The following FHIT variants were observed in gnomAD, a reference collection of about 807,000 sequenced individuals.
FHIT encodes the protein bis(5'-adenosyl)-triphosphatase.
FHIT carries 19 observed loss-of-function variants against 17.9 expected under a neutral mutation model. The observed-to-expected ratio is 1.06, with a 90% CI of 0.74 to 1.56. The LOEUF (loss-of-function observed/expected upper bound fraction) is 1.56, where lower values mean the gene tolerates loss of function less well. Among genes scored for constraint, FHIT ranks in the 40% most tolerant of loss-of-function variants. The probability of loss-of-function intolerance (pLI) is 0.00; values close to 1 mark genes in which losing one functional copy is unlikely to be tolerated. For synonymous variants in FHIT, 81 were observed against 69.7 expected (o/e 1.16, Z -0.81); for missense variants, 248 against 189.2 (o/e 1.31, Z -1.82).
intron 7 of FHIT, among the ~76,000 whole-genome samples, chr3:59,979,308 A>G (rs1708547912): frequency 1.3e-5 from 2 of 152,236 alleles, no homozygotes; most frequent in Non-Finnish European, 1.5e-5. Flanking sequence ...ATTTATACCT[A>G]ACTCCTCAAA....
chr3:59,749,612 T>A (rs1193240510), intron 9 of FHIT, 33 bp from the exon 10 acceptor site: 1 of 231,188 alleles, frequency 4.3e-6, no homozygotes, highest in Non-Finnish European at 8.6e-6. Flanking sequence ...AAAGGCCTTA[T>A]GATTCTAACA....
intron 4 of FHIT, among the ~76,000 whole-genome samples, chr3:60,637,911 T>A (rs1577011308): frequency 6.6e-6 from 1 of 152,170 alleles, no homozygotes; most frequent in Non-Finnish European, 1.5e-5. Context: ...ATAGACATGA[T>A]GAATTGGCAA....
At chr3:60,861,871 AC>A (rs1481359164) in intron 3 of FHIT, among the ~76,000 whole-genome samples, 1 of 149,372 alleles carries the variant, frequency 6.7e-6, no homozygotes, top group Non-Finnish European at 1.5e-5. Flanking sequence ...AATGGCGTGA[AC>A]CCGTGAGGTG....
At chr3:60,163,265 T>C (rs145584775) in intron 5 of FHIT, among the ~76,000 whole-genome samples, 92 of 151,990 alleles carry the variant, frequency 6.1e-4, no homozygotes, top group Middle Eastern at 6.8e-3. Context: ...CCAAAATGAG[T>C]GCTCTTTTCT....
intron 5 of FHIT, among the ~76,000 whole-genome samples, chr3:60,211,744 T>G (rs1703461842): frequency 6.6e-6 from 1 of 152,106 alleles, no homozygotes; most frequent in African/African-American, 2.4e-5. Context: ...AGAGTATGGT[T>G]GAAATGAAAT....
chr3:60,511,380 T>C (rs184651065), intron 5 of FHIT, among the ~76,000 whole-genome samples: 4 of 152,210 alleles, frequency 2.6e-5, no homozygotes, highest in Non-Finnish European at 5.9e-5. Context: ...CATCGCTTTA[T>C]GTGTTTTAAG....
chr3:60,571,186 A>G (rs2037366262), intron 4 of FHIT, among the ~76,000 whole-genome samples: 1 of 151,680 alleles, frequency 6.6e-6, no homozygotes. Flanking sequence ...AAATACAAAA[A>G]TTAGCCAGGC....
In FHIT at chr3:60,153,865, T is replaced by C. The variant is rs117328038; in HGVS notation, c.104-139713A>G. ...CATTCAACAGCTATTCACTACACATTCACATTGTGCTAGGTGCTGGGCATA... is the reference window on the plus strand; with the variant it reads ...CATTCAACAGCTATTCACTACACATCCACATTGTGCTAGGTGCTGGGCATA... On this transcript the variant is annotated intron_variant, in intron 5 of 9. Coordinates refer to ENST00000492590, the MANE Select transcript of FHIT (RefSeq NM_002012.4). Among the ~76,000 whole-genome samples the C allele has an allele frequency of 3.3e-5, 5 of 152,254 alleles. No individual in the cohort carries two copies. The East Asian group carries it at 9.7e-4, about 29-fold the overall frequency.
chr3:61,084,762 T>C (rs549873244), intron 2 of FHIT, among the ~76,000 whole-genome samples: 2 of 152,290 alleles, frequency 1.3e-5, no homozygotes, highest in South Asian at 2.1e-4. Flanking sequence ...CCATCACCTC[T>C]ACATAGTTTT....
At chr3:60,126,348 G>A (rs1375640436) in intron 5 of FHIT, among the ~76,000 whole-genome samples, 3 of 152,072 alleles carry the variant, frequency 2.0e-5, no homozygotes, top group African/African-American at 7.2e-5. Context: ...GAAGTTCTCT[G>A]GAGCGCAGCC....
intron 5 of FHIT, among the ~76,000 whole-genome samples, chr3:60,314,205 T>C (rs955003072): frequency 1.3e-4 from 20 of 152,156 alleles, no homozygotes; most frequent in Admixed American, 1.0e-3. Flanking sequence ...AAGAGGCCTG[T>C]TGGGCAACAT....
At chr3:60,833,464 C>A (rs1702406395) in intron 3 of FHIT, among the ~76,000 whole-genome samples, 1 of 152,190 alleles carries the variant, frequency 6.6e-6, no homozygotes, top group Non-Finnish European at 1.5e-5. Context: ...TTTACCGTTT[C>A]TCTCCCCTTT....
intron 5 of FHIT, among the ~76,000 whole-genome samples, chr3:60,389,193 G>T (rs2107145201): frequency 6.6e-6 from 1 of 152,188 alleles, no homozygotes; most frequent in East Asian, 1.9e-4. Context: ...GTATTCTCAG[G>T]CTTTATCCCA....
At chr3:59,975,614 A>C (rs7626003) in intron 7 of FHIT, among the ~76,000 whole-genome samples, 74,109 of 151,784 alleles carry the variant, frequency 0.49, 19,441 homozygotes, top group Middle Eastern at 0.62. Context: ...AATGTTACAA[A>C]TGGTTAAAAA....
At chr3:60,750,311 T>C (rs530798848) in intron 4 of FHIT, among the ~76,000 whole-genome samples, 3 of 152,104 alleles carry the variant, frequency 2.0e-5, no homozygotes, top group African/African-American at 7.2e-5. Flanking sequence ...TGCTTTGACA[T>C]ATGGAGAAAT....
chr3:60,463,559 A>G (rs566331126), intron 5 of FHIT, among the ~76,000 whole-genome samples: 14 of 152,216 alleles, frequency 9.2e-5, no homozygotes, highest in Non-Finnish European at 2.1e-4. Context: ...TTCTCAGAAC[A>G]GAGAAATAAA....
chr3:59,984,488 A>G (rs1708804392), intron 7 of FHIT, among the ~76,000 whole-genome samples: 1 of 152,062 alleles, frequency 6.6e-6, no homozygotes, highest in South Asian at 2.1e-4. Flanking sequence ...TCAAATTCCC[A>G]CTGGTATTGG....
chr3:60,466,852 T>C (rs1254126460), intron 5 of FHIT, among the ~76,000 whole-genome samples: 2 of 151,242 alleles, frequency 1.3e-5, no homozygotes, highest in African/African-American at 4.9e-5. Flanking sequence ...AATGTGCCTT[T>C]GTCTGGTTTT....
chr3:61,072,296 G>C (rs1020692865), intron 2 of FHIT, among the ~76,000 whole-genome samples: 2 of 152,130 alleles, frequency 1.3e-5, no homozygotes, highest in Non-Finnish European at 2.9e-5. Context: ...CAAGAGGCTG[G>C]GGCCTACTCA....
Sources: allele counts gnomAD v4.1 joint callset (sites outside exome capture counted in the v4.1 genomes callset), GRCh38; gene constraint gnomAD v4.1.1; transcripts MANE v1.5; gene names NCBI Gene and HGNC (gene_info 2026-07-23, HGNC 2026-07-21).